KCNQ5: variants seen among roughly 807,000 people sequenced by gnomAD.
The protein encoded by KCNQ5 is potassium voltage-gated channel subfamily KQT member 5.
KCNQ5 carries 30 observed loss-of-function variants against 98.2 expected under a neutral mutation model. That is an observed-to-expected ratio of 0.31 (90% CI 0.23 to 0.41). The LOEUF is 0.41. Ranked by LOEUF, KCNQ5 falls within the 10% of genes least tolerant of loss-of-function variation. The pLI is 1.00. For missense variants in KCNQ5, 835 were observed against 1,182.5 expected (o/e 0.71, Z 4.31); for synonymous variants, 458 against 449.4 (o/e 1.02, Z -0.24).
chr6:73,080,101 G>C (rs189562176), intron 5 of KCNQ5, among the ~76,000 whole-genome samples: 1 of 152,252 alleles, frequency 6.6e-6, no homozygotes, highest in Admixed American at 6.5e-5. Context: ...GTGTTAAACA[G>C]TGTGTGGGAA....
chr6:72,828,155 G>T (rs1280563854), intron 1 of KCNQ5, among the ~76,000 whole-genome samples: 1 of 152,136 alleles, frequency 6.6e-6, no homozygotes, highest in Non-Finnish European at 1.5e-5. Context: ...ATTGAGGACT[G>T]GTAGTGTGGT....
intron 10 of KCNQ5, among the ~76,000 whole-genome samples, chr6:73,154,508 C>T (rs1777276210): frequency 1.3e-5 from 2 of 152,088 alleles, no homozygotes; most frequent in South Asian, 4.2e-4. Context: ...GTCTGGATTG[C>T]CTTCTTTTTT....
chr6:73,186,238 A>G (rs1159220188), intron 11 of KCNQ5, among the ~76,000 whole-genome samples: 1 of 150,930 alleles, frequency 6.6e-6, no homozygotes, highest in Non-Finnish European at 1.5e-5. Context: ...AAAAAAAAAA[A>G]GAGAAAAAGA....
chr6:73,067,639 T>TG lies in KCNQ5; in HGVS notation c.617-9682dup, dbSNP rs1452795193. 2.6e-5 allele frequency among the ~76,000 whole-genome samples: 4 copies of TG among 152,214 alleles called. No homozygotes were observed. The East Asian group carries it at 7.7e-4, about 29-fold the overall frequency. ...TTGAAGGGCTATTATGGAGAAACAA[T>TG]GAAATAAAGTCTGTGTACTGAGCAT... On this transcript the variant is annotated intron_variant, in intron 3 of 13. Coordinates refer to ENST00000370398, the MANE Select transcript of KCNQ5 (RefSeq NM_019842.4).
intron 8 of KCNQ5, among the ~76,000 whole-genome samples, chr6:73,121,023 A>G (rs1775725841): frequency 2.0e-5 from 3 of 152,178 alleles, no homozygotes; most frequent in Admixed American, 2.0e-4. Flanking sequence ...TCCTCTCTGG[A>G]TGGTCCTCAA....
At chr6:73,177,501 A>G (rs537771967) in intron 11 of KCNQ5, among the ~76,000 whole-genome samples, 3 of 152,314 alleles carry the variant, frequency 2.0e-5, no homozygotes, top group African/African-American at 4.8e-5. Context: ...AAAGGCATGT[A>G]TGGGACCATT....
chr6:73,054,092 A>G (rs1772357096), intron 3 of KCNQ5, among the ~76,000 whole-genome samples: 1 of 152,214 alleles, frequency 6.6e-6, no homozygotes, highest in South Asian at 2.1e-4. Context: ...TAGAAAACCT[A>G]GAAGAAATGG....
chr6:73,086,668 G>A (rs1773999863), intron 5 of KCNQ5, among the ~76,000 whole-genome samples: 1 of 152,132 alleles, frequency 6.6e-6, no homozygotes, highest in South Asian at 2.1e-4. Context: ...GCTAGATGTT[G>A]GGGAAATAAA....
chr6:73,173,261 A>G (rs567404374), intron 11 of KCNQ5, among the ~76,000 whole-genome samples: 1 of 152,292 alleles, frequency 6.6e-6, no homozygotes, highest in East Asian at 1.9e-4. Context: ...AGGAGTGAAG[A>G]TTGTACTTAT....
Position 73,057,442 on chromosome 6 carries a change from C to T in KCNQ5, c.616+15380C>T, listed in dbSNP as rs141344943. 8.7e-3 allele frequency among the ~76,000 whole-genome samples: 1,316 copies of T among 151,844 alleles called. 21 individuals carry two copies. The highest frequency in any genetic ancestry group is 0.031 in the African/African-American group (1,273 of 41,352). On this transcript the variant is annotated intron_variant, in intron 3 of 13. Transcript: ENST00000370398. ...CATGTATACATGTGTAACAAATCTG[C>T]ACATTGTGCACATGTACCTTAGAAC...
intron 1 of KCNQ5, among the ~76,000 whole-genome samples, chr6:72,897,094 G>A (rs1324453296): frequency 1.3e-5 from 2 of 152,020 alleles, no homozygotes; most frequent in Non-Finnish European, 2.9e-5. Context: ...AACGTATTTG[G>A]GTAACGATGG....
intron 2 of KCNQ5, among the ~76,000 whole-genome samples, chr6:73,004,527 C>T (rs894427529): frequency 6.6e-6 from 1 of 152,208 alleles, no homozygotes; most frequent in African/African-American, 2.4e-5. Context: ...GTGATAAATT[C>T]TGCAGTTTGC....
At chr6:72,866,447 G>A (rs1046562888) in intron 1 of KCNQ5, among the ~76,000 whole-genome samples, 1 of 151,582 alleles carries the variant, frequency 6.6e-6, no homozygotes, top group African/African-American at 2.4e-5. Flanking sequence ...AGAGATGGGG[G>A]TTTCACAATG....
At chr6:72,901,361 C>T (rs71573567) in intron 1 of KCNQ5, among the ~76,000 whole-genome samples, 44,192 of 151,832 alleles carry the variant, frequency 0.29, 6,649 homozygotes, top group Non-Finnish European at 0.32. Context: ...ATTAAGTCCC[C>T]GCTATTTATC....
At chr6:73,035,991 G>C (rs1236010578) in intron 2 of KCNQ5, among the ~76,000 whole-genome samples, 1 of 97,214 alleles carries the variant, frequency 1.0e-5, no homozygotes, top group East Asian at 2.6e-4. Flanking sequence ...ACATTTGTGT[G>C]TGTGTGTGTG....
chr6:72,897,293 C>T (rs1779291473), intron 1 of KCNQ5, among the ~76,000 whole-genome samples: 1 of 152,210 alleles, frequency 6.6e-6, no homozygotes, highest in Non-Finnish European at 1.5e-5. Context: ...GTAATCCCAG[C>T]ACTTTGGGAG....
chr6:72,725,202 A>G (rs1770202559), intron 1 of KCNQ5, among the ~76,000 whole-genome samples: 1 of 152,194 alleles, frequency 6.6e-6, no homozygotes, highest in South Asian at 2.1e-4. Context: ...AAATTATATT[A>G]TAATCTAGTT....
intron 13 of KCNQ5, among the ~76,000 whole-genome samples, chr6:73,193,855 T>TC (rs1224064690): frequency 7.0e-5 from 10 of 142,036 alleles, no homozygotes; most frequent in African/African-American, 1.1e-4. Context: ...TTTTTTTTTT[T>TC]CAGACAGGGA....
chr6:73,161,119 A>T (rs1777601989), intron 10 of KCNQ5, among the ~76,000 whole-genome samples: 1 of 152,258 alleles, frequency 6.6e-6, no homozygotes, highest in African/African-American at 2.4e-5. Context: ...ATGAAATATT[A>T]TTCATCCATT....
Sources: gnomAD v4.1 joint callset for allele counts (sites outside exome capture counted in the v4.1 genomes callset) on GRCh38, gnomAD v4.1.1 for gene constraint, MANE v1.5 for transcripts, NCBI Gene and HGNC (gene_info 2026-07-23, HGNC 2026-07-21) for gene names.